Variants in SLC8A1 observed in about 807,000 individuals in gnomAD.
The protein encoded by SLC8A1 is sodium/calcium exchanger 1.
A neutral mutation model predicts 68.3 loss-of-function variants in SLC8A1; 18 were observed. That is an observed-to-expected ratio of 0.26 (90% CI 0.18 to 0.39). SLC8A1 has a LOEUF of 0.39. SLC8A1 is among the 10% of genes least tolerant of loss of function. SLC8A1 has a pLI of 1.00. For missense variants in SLC8A1, 985 were observed against 1,156.7 expected (o/e 0.85, Z 2.15); for synonymous variants, 475 against 415.5 (o/e 1.14, Z -1.74).
At chr2:40,115,559 G>A in exon 8 of SLC8A1, 1 of 1,613,942 alleles carries the variant, frequency 6.2e-7, no homozygotes. Context: ...CCGCGTTGCT[G>A]CCCGTGACGT....
At chr2:40,329,890 G>A (rs2076239214) in intron 2 of SLC8A1, among the ~76,000 whole-genome samples, 1 of 152,078 alleles carries the variant, frequency 6.6e-6, no homozygotes, top group African/African-American at 2.4e-5. Flanking sequence ...AGAGAGGAAG[G>A]GAATTTATGA....
chr2:40,246,412 C>G (rs2148996015), intron 2 of SLC8A1, among the ~76,000 whole-genome samples: 1 of 152,294 alleles, frequency 6.6e-6, no homozygotes, highest in African/African-American at 2.4e-5. Context: ...TTGAGTTTTA[C>G]TTGGTATGGT....
At chr2:40,200,194 A>ATATATATATATAAATATATATATATATT (rs2053929761) in intron 2 of SLC8A1, among the ~76,000 whole-genome samples, 3 of 12,840 alleles carry the variant, frequency 2.3e-4, no homozygotes, top group African/African-American at 6.1e-4. Flanking sequence ...ATATATATTT[A>ATATATATATATAAATATATATATATATT]TATATATATA....
chr2:40,286,564 G>A (rs2068348274), intron 2 of SLC8A1, among the ~76,000 whole-genome samples: 1 of 152,170 alleles, frequency 6.6e-6, no homozygotes, highest in South Asian at 2.1e-4. Context: ...TTAACGACTG[G>A]TCTGTAAGAT....
At chr2:40,445,395 T>C (rs1487300556) in intron 1 of SLC8A1, among the ~76,000 whole-genome samples, 1 of 152,126 alleles carries the variant, frequency 6.6e-6, no homozygotes, top group Non-Finnish European at 1.5e-5. Context: ...CATTCAGGAA[T>C]TCCTGAGGCC....
intron 6 of SLC8A1, among the ~76,000 whole-genome samples, chr2:40,153,445 C>T (rs907556226): frequency 5.3e-5 from 8 of 152,158 alleles, no homozygotes; most frequent in Non-Finnish European, 7.3e-5. Flanking sequence ...TATTTGTCAT[C>T]CATGTTATAT....
chr2:40,149,608 T>C (rs1424512112), intron 6 of SLC8A1, among the ~76,000 whole-genome samples: 1 of 150,920 alleles, frequency 6.6e-6, no homozygotes, highest in African/African-American at 2.4e-5. Context: ...GGGAGGCAAG[T>C]GTGACAAGAT....
At chr2:40,408,489 C>T (rs2149688142) in intron 2 of SLC8A1, among the ~76,000 whole-genome samples, 1 of 152,296 alleles carries the variant, frequency 6.6e-6, no homozygotes, top group East Asian at 1.9e-4. Flanking sequence ...GAAATTTTGG[C>T]ACTTTGGACA....
intron 2 of SLC8A1, among the ~76,000 whole-genome samples, chr2:40,216,061 A>G (rs2057432448): frequency 1.4e-5 from 2 of 147,420 alleles, no homozygotes; most frequent in Non-Finnish European, 3.0e-5. Flanking sequence ...ACTCTGGGAT[A>G]CATGTGCAGA....
intron 2 of SLC8A1, 51 bp from the exon 3 acceptor site, chr2:40,178,544 GA>G: frequency 6.8e-7 from 1 of 1,474,024 alleles, no homozygotes; most frequent in South Asian, 1.1e-5. Context: ...AAAGAGAAGA[GA>G]AGGAACATAG....
At chr2:40,406,917 C>A (rs1436889624) in intron 2 of SLC8A1, among the ~76,000 whole-genome samples, 3 of 151,978 alleles carry the variant, frequency 2.0e-5, no homozygotes, top group African/African-American at 7.3e-5. Context: ...ACAAGGCAAT[C>A]CTCTGTGTTG....
chr2:40,329,963 A>T (rs553631751), intron 2 of SLC8A1, among the ~76,000 whole-genome samples: 20 of 152,270 alleles, frequency 1.3e-4, no homozygotes, highest in African/African-American at 4.6e-4. Context: ...AAAGGGGGGG[A>T]AAAACAAGAC....
At chr2:40,201,019 C>A (rs187793712) in intron 2 of SLC8A1, among the ~76,000 whole-genome samples, 89 of 150,350 alleles carry the variant, frequency 5.9e-4, no homozygotes, top group Non-Finnish European at 9.2e-4. Flanking sequence ...TGCCTTTAAG[C>A]AAAATAAAAA....
chr2:40,157,574 T>G (rs2044785180), intron 6 of SLC8A1, among the ~76,000 whole-genome samples: 1 of 152,190 alleles, frequency 6.6e-6, no homozygotes, highest in Non-Finnish European at 1.5e-5. Context: ...TTGTTTCCCT[T>G]GATACCTCAG....
At position 40,160,462 on chromosome 2, in the gene SLC8A1, C is replaced by T. The variant is rs191915429; in HGVS notation, c.2161+303G>A. On this transcript the variant is annotated intron_variant, in intron 6 of 7. Transcript: ENST00000406785. ...TTTGTGCTGCTTACAGGGAATTTTC[C>T]AGACAAAGCCTAGTGATTGGCTATT... 1.3e-3 allele frequency among the ~76,000 whole-genome samples: 199 copies of T among 152,206 alleles called. 1 individual carries two copies. Among genetic ancestry groups the T allele is most frequent in the African/African-American group, 4.7e-3 (194 of 41,532 alleles).
intron 7 of SLC8A1, among the ~76,000 whole-genome samples, chr2:40,118,118 C>G (rs1234434834): frequency 1.3e-5 from 2 of 152,214 alleles, no homozygotes; most frequent in Admixed American, 1.3e-4. Flanking sequence ...ATTCACCCCT[C>G]TCACAAGCAT....
At chr2:40,213,394 A>G (rs544157193) in intron 2 of SLC8A1, 2 of 152,198 alleles carry the variant, frequency 1.3e-5, no homozygotes, top group South Asian at 2.1e-4. Context: ...CTGCTGATCA[A>G]TGCTGTTGTC....
intron 1 of SLC8A1, among the ~76,000 whole-genome samples, chr2:40,433,066 T>C (rs1240804412): frequency 1.3e-5 from 2 of 152,154 alleles, no homozygotes; most frequent in East Asian, 3.9e-4. Context: ...AAGACTGATA[T>C]AACTAACCAC....
intron 1 of SLC8A1, among the ~76,000 whole-genome samples, chr2:40,441,785 T>C (rs1168585284): frequency 6.6e-6 from 1 of 151,950 alleles, no homozygotes; most frequent in Non-Finnish European, 1.5e-5. Flanking sequence ...ACTGAAGACT[T>C]AAATGTAAAA....
Sources: gnomAD v4.1 joint callset for allele counts (sites outside exome capture counted in the v4.1 genomes callset) on GRCh38, gnomAD v4.1.1 for gene constraint, MANE v1.5 for transcripts, NCBI Gene and HGNC (gene_info 2026-07-23, HGNC 2026-07-21) for gene names.